The following NUMB variants were observed in gnomAD, a reference collection of about 807,000 sequenced individuals.
NUMB encodes NUMB endocytic adaptor protein.
A neutral mutation model predicts 59.7 loss-of-function variants in NUMB; 29 were observed. That is an observed-to-expected ratio of 0.49 (90% CI 0.36 to 0.66). NUMB has a LOEUF of 0.66. NUMB is among the 30% of genes least tolerant of loss of function. The pLI is 0.00. For synonymous variants in NUMB, 288 were observed against 288.2 expected, an observed-to-expected ratio of 1.00 and a Z score of 0.01; for missense variants, 723 against 822.0, an observed-to-expected ratio of 0.88 and a Z score of 1.47.
chr14:73,442,557 T>G (rs758329505), intron 1 of NUMB, among the ~76,000 whole-genome samples: 1 of 152,164 alleles, frequency 6.6e-6, no homozygotes, highest in Non-Finnish European at 1.5e-5. Context: ...ATCCATATTA[T>G]GGAATACTAC....
At chr14:73,314,429 AAATT>A in intron 6 of NUMB, among the ~76,000 whole-genome samples, 1 of 147,574 alleles carries the variant, frequency 6.8e-6, no homozygotes, top group South Asian at 2.2e-4. Flanking sequence ...TATACCATAC[AAATT>A]CATCATGTAG....
intron 2 of NUMB, among the ~76,000 whole-genome samples, chr14:73,382,798 G>A (rs1489996505): frequency 6.6e-6 from 1 of 152,124 alleles, no homozygotes; most frequent in East Asian, 1.9e-4. Flanking sequence ...AGGAATGCTA[G>A]GAGACAGAAC....
At chr14:73,331,338 G>A (rs900560726) in intron 4 of NUMB, among the ~76,000 whole-genome samples, 13 of 152,140 alleles carry the variant, frequency 8.5e-5, no homozygotes, top group African/African-American at 2.9e-4. Context: ...GATGTCAGGA[G>A]ATCAAGACCA....
chr14:73,404,981 G>A (rs1050691420), intron 2 of NUMB, among the ~76,000 whole-genome samples: 13 of 152,006 alleles, frequency 8.6e-5, no homozygotes, highest in African/African-American at 2.7e-4. Context: ...GGCTGGTCTC[G>A]AACTCCTGAC....
At chr14:73,299,581 TATGTC>T (rs1463239614) in intron 6 of NUMB, among the ~76,000 whole-genome samples, 1 of 130,186 alleles carries the variant, frequency 7.7e-6, no homozygotes, top group Non-Finnish European at 1.5e-5. Flanking sequence ...TGACATGACA[TATGTC>T]ATGTCATATA....
At chr14:73,295,559 T>C (rs1889719385) in intron 7 of NUMB, among the ~76,000 whole-genome samples, 2 of 152,224 alleles carry the variant, frequency 1.3e-5, no homozygotes, top group African/African-American at 4.8e-5. Context: ...ATTGCTTCTC[T>C]TGAACTTAAA....
chr14:73,373,634 G>T (rs2140061630), intron 2 of NUMB, among the ~76,000 whole-genome samples: 1 of 151,900 alleles, frequency 6.6e-6, no homozygotes, highest in African/African-American at 2.4e-5. Flanking sequence ...TAGAAATAGG[G>T]TCAGGAAGAA....
intron 1 of NUMB, among the ~76,000 whole-genome samples, chr14:73,417,262 T>G (rs980277586): frequency 1.1e-4 from 17 of 152,066 alleles, no homozygotes; most frequent in African/African-American, 3.6e-4. Context: ...GTAAAAGGCT[T>G]CACTCTGACT....
intron 2 of NUMB, among the ~76,000 whole-genome samples, chr14:73,404,723 C>A (rs1036268522): frequency 6.6e-6 from 1 of 151,520 alleles, no homozygotes; most frequent in Non-Finnish European, 1.5e-5. Flanking sequence ...TATAGGACTT[C>A]ATTTTCATAT....
chr14:73,292,637 G>C (rs1889473489), intron 8 of NUMB, 97 bp downstream of exon 8: 1 of 1,234,130 alleles, frequency 8.1e-7, no homozygotes, highest in African/African-American at 1.5e-5. Context: ...CCAAGTACTT[G>C]TTAAAAATGT....
intron 2 of NUMB, among the ~76,000 whole-genome samples, chr14:73,370,821 T>C (rs1894637452): frequency 1.3e-5 from 2 of 152,240 alleles, no homozygotes; most frequent in Admixed American, 1.3e-4. Flanking sequence ...GTGAATTCTA[T>C]AAATGAAGTC....
At chr14:73,375,074 T>C (rs191481689) in intron 2 of NUMB, among the ~76,000 whole-genome samples, 85 of 152,318 alleles carry the variant, frequency 5.6e-4, no homozygotes, top group African/African-American at 2.0e-3. Flanking sequence ...CAAGAGATTA[T>C]AAATGACTTG....
In NUMB at chr14:73,355,774, C is replaced by G; in HGVS notation, c.-15-8G>C. ...CATTTTAATTTTTACAGCCTGAAGA[C>G]AGAGGAAAAAAAATATTTAAAAGAA... On this transcript the variant is annotated splice_polypyrimidine_tract_variant and splice_region_variant and intron_variant, in intron 3 of 12. Coordinates refer to ENST00000555238, the MANE Select transcript of NUMB (RefSeq NM_001005743.2). 1 of 1,583,162 alleles carries G rather than the reference C, an allele frequency of 6.3e-7. No homozygotes were observed. Among genetic ancestry groups the G allele is most frequent in the Non-Finnish European group, 8.6e-7 (1 of 1,162,810 alleles).
At chr14:73,390,638 C>CTTTTTTT (rs55831976) in intron 2 of NUMB, among the ~76,000 whole-genome samples, 543 of 39,412 alleles carry the variant, frequency 0.014, 119 homozygotes, top group South Asian at 0.035. Flanking sequence ...AAAACAAAGT[C>CTTTTTTT]TTTTTTTTTT....
At chr14:73,332,678 T>C (rs1204061667) in intron 4 of NUMB, among the ~76,000 whole-genome samples, 1 of 42,784 alleles carries the variant, frequency 2.3e-5, no homozygotes, top group African/African-American at 1.4e-4. Flanking sequence ...AACTCAGCTA[T>C]CCAGAGAAAA....
intron 2 of NUMB, among the ~76,000 whole-genome samples, chr14:73,367,743 C>T (rs1894440685): frequency 1.4e-5 from 2 of 146,298 alleles, no homozygotes; most frequent in Admixed American, 7.1e-5. Flanking sequence ...CCACTGCACT[C>T]CAGCCTGGAC....
intron 2 of NUMB, among the ~76,000 whole-genome samples, chr14:73,379,535 G>GA (rs1895129560): frequency 6.6e-6 from 1 of 152,194 alleles, no homozygotes; most frequent in Non-Finnish European, 1.5e-5. Flanking sequence ...TTGGAGAAAA[G>GA]AAAGTGTTGG....
At chr14:73,427,727 A>G (rs1897650670) in intron 1 of NUMB, among the ~76,000 whole-genome samples, 1 of 152,136 alleles carries the variant, frequency 6.6e-6, no homozygotes, top group Non-Finnish European at 1.5e-5. Flanking sequence ...TTTCCTGAAT[A>G]TGTATCTATT....
intron 1 of NUMB, among the ~76,000 whole-genome samples, chr14:73,451,374 T>C (rs1048983569): frequency 9.3e-5 from 14 of 150,626 alleles, no homozygotes; most frequent in Admixed American, 5.3e-4. Flanking sequence ...AAGGCGGAGG[T>C]TGCAGTGAGC....
Sources: gnomAD v4.1 joint callset for allele counts (sites outside exome capture counted in the v4.1 genomes callset) on GRCh38, gnomAD v4.1.1 for gene constraint, MANE v1.5 for transcripts, NCBI Gene and HGNC (gene_info 2026-07-23, HGNC 2026-07-21) for gene names.